PRH1: variants seen among roughly 807,000 people sequenced by gnomAD.
PRH1 encodes the protein proline rich protein HaeIII subfamily 1, also known as salivary acidic proline-rich phosphoprotein 1/2.
Under a neutral mutation model 7.9 loss-of-function variants are expected in PRH1, and 7 were observed. That is an observed-to-expected ratio of 0.89 (90% CI 0.50 to 1.67). The LOEUF (loss-of-function observed/expected upper bound fraction) is 1.67. Ranked by LOEUF, PRH1 falls within the 40% of genes most tolerant of loss-of-function variation. PRH1 has a pLI of 0.00. For missense variants in PRH1, 109 were observed against 223.6 expected, an observed-to-expected ratio of 0.49 and a Z score of 3.27; for synonymous variants, 45 against 80.8, an observed-to-expected ratio of 0.56 and a Z score of 2.38.
intron 1 of PRH1, among the ~76,000 whole-genome samples, chr12:11,039,876 G>T (rs1360135801): frequency 1.3e-5 from 1 of 79,426 alleles, no homozygotes; most frequent in Non-Finnish European, 3.2e-5. Flanking sequence ...AGGAATTTCT[G>T]TCCTCTAATT....
chr12:11,087,193 C>A (rs1944736483), intron 1 of PRH1, among the ~76,000 whole-genome samples: 1 of 115,478 alleles, frequency 8.7e-6, no homozygotes, highest in Non-Finnish European at 2.0e-5. Flanking sequence ...CCTTGAACTC[C>A]TGGGCTCAAG....
At chr12:11,122,185 GT>G (rs746420135) in intron 1 of PRH1, among the ~76,000 whole-genome samples, 4 of 152,208 alleles carry the variant, frequency 2.6e-5, no homozygotes, top group Non-Finnish European at 4.4e-5. Flanking sequence ...CCACATTGGA[GT>G]TTCTTGCTCT....
intron 1 of PRH1, among the ~76,000 whole-genome samples, chr12:11,105,225 C>G (rs773014422): frequency 6.6e-6 from 1 of 151,904 alleles, no homozygotes; most frequent in Non-Finnish European, 1.5e-5. Context: ...TAAAAAGAGT[C>G]TATAAGTTTA....
At chr12:10,940,807 C>T (rs1195632476) in intron 2 of PRH1, among the ~76,000 whole-genome samples, 1 of 152,156 alleles carries the variant, frequency 6.6e-6, no homozygotes, top group Non-Finnish European at 1.5e-5. Flanking sequence ...AAATATGCCT[C>T]ATAAACGTCA....
intron 1 of PRH1, among the ~76,000 whole-genome samples, chr12:10,982,419 G>A (rs917225877): frequency 2.6e-5 from 4 of 152,144 alleles, no homozygotes; most frequent in Admixed American, 1.3e-4. Context: ...TTGCACATTC[G>A]CTCTAGGATG....
chr12:10,914,944 C>T (rs745785433), intron 2 of PRH1, among the ~76,000 whole-genome samples: 64 of 152,218 alleles, frequency 4.2e-4, no homozygotes, highest in Admixed American at 9.8e-4. Context: ...CTGGCTAACA[C>T]GGTGAAACCC....
At chr12:10,946,660 A>G (rs978772587) in intron 2 of PRH1, among the ~76,000 whole-genome samples, 1 of 152,050 alleles carries the variant, frequency 6.6e-6, no homozygotes, top group Non-Finnish European at 1.5e-5. Flanking sequence ...GATTTGTGTT[A>G]TTCCTTATCT....
At chr12:11,153,039 T>C (rs1250623025) in intron 1 of PRH1, among the ~76,000 whole-genome samples, 1 of 152,194 alleles carries the variant, frequency 6.6e-6, no homozygotes, top group Non-Finnish European at 1.5e-5. Context: ...TGGCAATCCC[T>C]GGCATGCGGT....
intron 2 of PRH1, among the ~76,000 whole-genome samples, chr12:10,917,792 T>C (rs1949993750): frequency 1.3e-5 from 2 of 152,222 alleles, no homozygotes; most frequent in African/African-American, 4.8e-5. Flanking sequence ...TCAGTTCTTG[T>C]TCTCTTCTGA....
intron 1 of PRH1, among the ~76,000 whole-genome samples, chr12:11,127,922 C>T (rs1166872448): frequency 2.0e-5 from 3 of 151,618 alleles, no homozygotes; most frequent in Non-Finnish European, 2.9e-5. Context: ...CTGGCTAACA[C>T]GGTGAAACCT....
Position 11,043,802 on chromosome 12 carries a change from C to G in PRH1, c.-126+3218G>C, listed in dbSNP as rs77667336. On this transcript the variant is annotated intron_variant, in intron 1 of 3. Coordinates refer to the PRH1 transcript ENST00000539853. ...GCAAGAAATTGAAAAGGACACCCAACAAAAGAAAAGATGGTCCATGTCCAT... is the reference window on the plus strand; with the variant it reads ...GCAAGAAATTGAAAAGGACACCCAAGAAAAGAAAAGATGGTCCATGTCCAT... Among the ~76,000 whole-genome samples, 1,006 of 152,052 alleles carry G rather than the reference C, an allele frequency of 6.6e-3. 12 individuals carry two copies. Among genetic ancestry groups the G allele is most frequent in the African/African-American group, 0.023 (949 of 41,508 alleles).
chr12:10,930,387 C>A (rs1198863790), intron 2 of PRH1: 4 of 1,545,658 alleles, frequency 2.6e-6, no homozygotes, highest in Non-Finnish European at 2.7e-6. Flanking sequence ...TTCTTATCAT[C>A]CTTGTCAGGA....
intron 1 of PRH1, among the ~76,000 whole-genome samples, chr12:11,083,024 C>A (rs548922416): frequency 1.3e-4 from 13 of 102,086 alleles, no homozygotes; most frequent in South Asian, 2.6e-4. Flanking sequence ...CTTGAATATT[C>A]AAAAAATTTG....
chr12:11,079,528 G>A (rs1413450630), intron 1 of PRH1, among the ~76,000 whole-genome samples: 2 of 120,244 alleles, frequency 1.7e-5, no homozygotes, highest in Admixed American at 8.3e-5. Flanking sequence ...GAAATTCAAA[G>A]ACATATGAGA....
At chr12:11,095,886 A>G (rs1945060153) in intron 1 of PRH1, among the ~76,000 whole-genome samples, 2 of 115,554 alleles carry the variant, frequency 1.7e-5, no homozygotes, top group African/African-American at 5.8e-5. Context: ...GATCTATTCT[A>G]CTTTTGAAAT....
rs1291460011 is a variant in PRH1 at position 11,084,183 on chromosome 12, C to G, written n.124-36995G>C. The stretch of plus-strand genomic sequence containing the variant: ...CTCCTTCCCTCCTTTGTTCCGTGGG[C>G]TCTTGGGATTGTAACGGGCACAAGC... On this transcript the variant is annotated intron_variant and non_coding_transcript_variant, in intron 1 of 4. Coordinates refer to the PRH1 transcript ENST00000541977. Among the ~76,000 whole-genome samples the G allele has an allele frequency of 1.0e-4, 6 of 59,948 alleles. 1 individual carries two copies. The highest frequency in any genetic ancestry group is 2.2e-4 in the African/African-American group (6 of 27,368). 39.3% of individuals were successfully genotyped at this position (59,948 alleles called of 152,430 possible).
intron 1 of PRH1, chr12:11,133,843 C>T: frequency 6.2e-7 from 1 of 1,614,108 alleles, no homozygotes; most frequent in Non-Finnish European, 8.5e-7. Flanking sequence ...GCAAAGGCCC[C>T]AACAGTATCA....
chr12:11,041,964 A>C (rs1942724841), intron 1 of PRH1, among the ~76,000 whole-genome samples: 1 of 152,156 alleles, frequency 6.6e-6, no homozygotes, highest in Non-Finnish European at 1.5e-5. Context: ...AAATCTATGA[A>C]ATACAGCAAA....
chr12:11,129,128 G>A (rs1400483730), intron 1 of PRH1, among the ~76,000 whole-genome samples: 3 of 152,236 alleles, frequency 2.0e-5, no homozygotes, highest in Non-Finnish European at 2.9e-5. Context: ...TCCATATGAT[G>A]CACAGGGAAC....
Sources: gnomAD v4.1 joint callset for allele counts (sites outside exome capture counted in the v4.1 genomes callset) on GRCh38, gnomAD v4.1.1 for gene constraint, MANE v1.5 for transcripts, NCBI Gene and HGNC (gene_info 2026-07-23, HGNC 2026-07-21) for gene names.